Variants in ZIM2 observed in about 807,000 individuals in gnomAD.
ZIM2 encodes the protein zinc finger protein 656.
A neutral mutation model predicts 38.6 loss-of-function variants in ZIM2; 14 were observed. That is an observed-to-expected ratio of 0.36 (90% CI 0.24 to 0.57). The LOEUF (loss-of-function observed/expected upper bound fraction) is 0.57. ZIM2 is among the 20% of genes least tolerant of loss of function. ZIM2 has a pLI of 0.81. For synonymous variants in ZIM2, 247 were observed against 245.8 expected, an observed-to-expected ratio of 1.00 and a Z score of -0.04; for missense variants, 680 against 695.1, an observed-to-expected ratio of 0.98 and a Z score of 0.24.
intron 1 of ZIM2, among the ~76,000 whole-genome samples, chr19:56,837,070 T>G (rs867991302): frequency 2.1e-4 from 32 of 151,380 alleles, no homozygotes; most frequent in African/African-American, 7.5e-4. Flanking sequence ...ACAAAAGGGC[T>G]GACTTAAGAT....
At chr19:56,805,352 G>A (rs2047706461) in intron 9 of ZIM2, among the ~76,000 whole-genome samples, 1 of 152,186 alleles carries the variant, frequency 6.6e-6, no homozygotes, top group Non-Finnish European at 1.5e-5. Flanking sequence ...ACTGGGAAGG[G>A]CCAGGCACGC....
chr19:56,813,748 T>A lies in ZIM2; in HGVS notation c.490+3998A>T, dbSNP rs142632898. On this transcript the variant is annotated intron_variant, in intron 9 of 12. Coordinates refer to ENST00000629319, the MANE Select transcript of ZIM2 (RefSeq NM_001387356.1). ...GAAGAGCTGCCCACAGACGTCACAT[T>A]TGAAGTACTTCTCATCAGCTTGATT... is the stretch of plus-strand genomic sequence containing the variant. The A allele has an allele frequency of 1.3e-5, 21 of 1,614,030 alleles. No homozygotes were observed. The highest frequency in any genetic ancestry group is 1.8e-5 in the Non-Finnish European group (21 of 1,180,042).
intron 9 of ZIM2, among the ~76,000 whole-genome samples, chr19:56,801,378 C>T (rs2047518877): frequency 6.6e-6 from 1 of 152,202 alleles, no homozygotes; most frequent in African/African-American, 2.4e-5. Flanking sequence ...TCAGACTCTG[C>T]TGAGGGACTC....
chr19:56,838,870 C>A (rs1426173237), intron 1 of ZIM2, among the ~76,000 whole-genome samples: 1 of 152,224 alleles, frequency 6.6e-6, no homozygotes, highest in Non-Finnish European at 1.5e-5. Context: ...TGGACAACCC[C>A]ACACCTATGC....
At chr19:56,797,162 A>T (rs577812457) in intron 9 of ZIM2, among the ~76,000 whole-genome samples, 20 of 152,198 alleles carry the variant, frequency 1.3e-4, no homozygotes, top group African/African-American at 3.9e-4. Flanking sequence ...AAATATTTTT[A>T]AAAAATAGCT....
chr19:56,824,665 T>A, intron 3 of ZIM2: 9 of 1,585,892 alleles, frequency 5.7e-6, no homozygotes, highest in Non-Finnish European at 7.7e-6. Context: ...TTTCTCTAAG[T>A]AAAATTTTCA....
intron 3 of ZIM2, chr19:56,824,630 G>A: frequency 6.2e-7 from 1 of 1,603,794 alleles, no homozygotes; most frequent in South Asian, 1.1e-5. Context: ...AGGTTTGGTG[G>A]CAGACAAGTG....
intron 2 of ZIM2, among the ~76,000 whole-genome samples, chr19:56,832,354 C>T (rs558958778): frequency 1.7e-4 from 26 of 152,208 alleles, no homozygotes; most frequent in African/African-American, 5.8e-4. Context: ...ACCATCTGTA[C>T]CTCCCCTCTC....
chr19:56,831,150 G>C (rs935903355), intron 2 of ZIM2, among the ~76,000 whole-genome samples: 1 of 152,062 alleles, frequency 6.6e-6, no homozygotes, highest in African/African-American at 2.4e-5. Flanking sequence ...GTGGGAGGTG[G>C]TTTGTCTGTA....
Position 56,779,460 on chromosome 19 carries a change from G to A in ZIM2, c.752C>T (p.Ser251Phe). The change falls in exon 12 of 13, where the codon TCT becomes TTT. Residue 251 changes from serine to phenylalanine, a missense_variant. Coordinates refer to ENST00000629319, the MANE Select transcript of ZIM2 (RefSeq NM_001387356.1). ...CAGGCGTGAGATAATGTCAGGTTTA[G>A]AGAACTGGTGCCCTGTTGGAGAGGA... Reference protein sequence around the residue: ...RNLVSLGHQFSKPDIISRLEE... With the variant: ...RNLVSLGHQFFKPDIISRLEE... The A allele has an allele frequency of 6.2e-7, 1 of 1,613,798 alleles. No homozygotes were observed. The highest frequency in any genetic ancestry group is 8.5e-7 in the Non-Finnish European group (1 of 1,179,854).
At position 56,822,847 on chromosome 19, in the gene ZIM2, G is replaced by A. The variant is rs200229051; in HGVS notation, c.107-11C>T. The A allele has an allele frequency of 4.2e-5, 67 of 1,611,762 alleles. No homozygotes were observed. The highest frequency in any genetic ancestry group is 5.5e-5 in the Non-Finnish European group (65 of 1,179,064). ...CCCAGTCCCGGTCACCTAAGCAGGT[G>A]AGACATTCCAGTGGTTAACAAAGCT... On this transcript the variant is annotated splice_polypyrimidine_tract_variant and intron_variant, in intron 5 of 12. Coordinates refer to ENST00000629319, the MANE Select transcript of ZIM2 (RefSeq NM_001387356.1).
intron 6 of ZIM2, among the ~76,000 whole-genome samples, chr19:56,822,136 G>A (rs938206644): frequency 6.6e-6 from 1 of 152,168 alleles, no homozygotes; most frequent in African/African-American, 2.4e-5. Flanking sequence ...TCATGGCTCT[G>A]AACAATGCCT....
intron 2 of ZIM2, among the ~76,000 whole-genome samples, chr19:56,832,522 C>T (rs2061673205): frequency 6.6e-6 from 1 of 152,234 alleles, no homozygotes; most frequent in African/African-American, 2.4e-5. Flanking sequence ...CTCCCACACA[C>T]CCCTCATTAC....
chr19:56,783,015 C>T (rs939575156), intron 10 of ZIM2, among the ~76,000 whole-genome samples: 1 of 152,026 alleles, frequency 6.6e-6, no homozygotes, highest in African/African-American at 2.4e-5. Context: ...CTCCAGCCCC[C>T]CAACTACCCT....
chr19:56,824,883 C>A (rs1192612452), intron 3 of ZIM2: 3 of 517,252 alleles, frequency 5.8e-6, no homozygotes, highest in Non-Finnish European at 1.0e-5. Context: ...CAAAGTTGGC[C>A]TCAGCACAGC....
At chr19:56,825,490 CTTTAT>C (rs779394414) in intron 3 of ZIM2, among the ~76,000 whole-genome samples, 9 of 152,190 alleles carry the variant, frequency 5.9e-5, no homozygotes, top group Non-Finnish European at 8.8e-5. Context: ...ATTTCCTTCT[CTTTAT>C]TTTATTATCT....
At chr19:56,803,018 C>T (rs1007236624) in intron 9 of ZIM2, among the ~76,000 whole-genome samples, 2 of 152,198 alleles carry the variant, frequency 1.3e-5, no homozygotes, top group African/African-American at 4.8e-5. Flanking sequence ...AGCAGCTGGA[C>T]TCAGTTGCTA....
rs191716523 is a variant in ZIM2 at position 56,813,740 on chromosome 19, C to G, written c.490+4006G>C. 9 of 1,613,972 alleles carry G rather than the reference C, an allele frequency of 5.6e-6. No individual in the cohort carries two copies. Among genetic ancestry groups the G allele is most frequent in the Admixed American group, 3.3e-5 (2 of 59,992 alleles). ...CGGTCATTGAAGAGCTGCCCACAGACGTCACATTTGAAGTACTTCTCATCA... is the reference window on the plus strand; with the variant it reads ...CGGTCATTGAAGAGCTGCCCACAGAGGTCACATTTGAAGTACTTCTCATCA... On this transcript the variant is annotated intron_variant, in intron 9 of 12. Transcript: ENST00000629319.
intron 2 of ZIM2, chr19:56,833,446 G>A: frequency 3.1e-6 from 1 of 327,488 alleles, no homozygotes; most frequent in Non-Finnish European, 6.0e-6. Flanking sequence ...CTCTACTTCA[G>A]CACGCACATG....
Sources: gnomAD v4.1 joint callset for allele counts (sites outside exome capture counted in the v4.1 genomes callset) on GRCh38, gnomAD v4.1.1 for gene constraint, MANE v1.5 for transcripts, NCBI Gene and HGNC (gene_info 2026-07-23, HGNC 2026-07-21) for gene names.